EYA4: variants seen among roughly 807,000 people sequenced by gnomAD.
EYA4 encodes the protein protein phosphatase EYA4.
In EYA4, 31 loss-of-function variants were observed where a neutral mutation model predicts 87.9. The observed-to-expected ratio is 0.35, with a 90% CI of 0.27 to 0.48. The LOEUF (loss-of-function observed/expected upper bound fraction) is 0.48. Ranked by LOEUF, EYA4 falls within the 20% of genes least tolerant of loss-of-function variation. EYA4 has a pLI of 0.99. For missense variants in EYA4, 678 were observed against 761.4 expected (o/e 0.89, Z 1.29); for synonymous variants, 263 against 270.6 (o/e 0.97, Z 0.28).
chr6:133,347,320 A>G (rs886695128), intron 2 of EYA4, among the ~76,000 whole-genome samples: 1 of 151,910 alleles, frequency 6.6e-6, no homozygotes, highest in Non-Finnish European at 1.5e-5. Context: ...CATGTATTTT[A>G]CTTTATTAGG....
chr6:133,511,360 A>C (rs762641763), intron 14 of EYA4, among the ~76,000 whole-genome samples: 3 of 152,158 alleles, frequency 2.0e-5, no homozygotes, highest in Non-Finnish European at 4.4e-5. Flanking sequence ...CACTATGTAT[A>C]TAGTCAGAAG....
intron 5 of EYA4, among the ~76,000 whole-genome samples, 189 bp downstream of exon 5, chr6:133,448,368 GA>G (rs1294202570): frequency 6.6e-6 from 1 of 152,078 alleles, no homozygotes; most frequent in Non-Finnish European, 1.5e-5. Flanking sequence ...TGTATTCTTA[GA>G]TTTTTTTAGG....
At chr6:133,428,009 G>A (rs978302449) in intron 3 of EYA4, among the ~76,000 whole-genome samples, 8 of 152,200 alleles carry the variant, frequency 5.3e-5, no homozygotes, top group South Asian at 4.1e-4. Flanking sequence ...CTTGGTGAAC[G>A]GTGTAAAAAT....
chr6:133,427,542 T>G (rs1473696322), intron 3 of EYA4, among the ~76,000 whole-genome samples: 1 of 152,204 alleles, frequency 6.6e-6, no homozygotes, highest in East Asian at 1.9e-4. Flanking sequence ...ATTTTGCAAG[T>G]CTTTCCTAAA....
At chr6:133,266,629 A>T (rs2128250064) in intron 1 of EYA4, among the ~76,000 whole-genome samples, 2 of 152,300 alleles carry the variant, frequency 1.3e-5, no homozygotes, top group East Asian at 3.9e-4. Flanking sequence ...TGGTAGACTA[A>T]TTATCAATGT....
At chr6:133,251,468 G>A (rs1214263215) in intron 1 of EYA4, among the ~76,000 whole-genome samples, 4 of 152,108 alleles carry the variant, frequency 2.6e-5, no homozygotes, top group Non-Finnish European at 5.9e-5. Context: ...GGATGGGGCT[G>A]AAGGAAAAAG....
chr6:133,469,739 T>C (rs1392279230), intron 11 of EYA4, among the ~76,000 whole-genome samples: 1 of 151,830 alleles, frequency 6.6e-6, no homozygotes, highest in Non-Finnish European at 1.5e-5. Flanking sequence ...ATAAAACTTC[T>C]AGAAGAAAAA....
rs1017660616 is a variant in EYA4 at position 133,495,514 on chromosome 6, C to T, written c.1192-10592C>T. ...AGAGAGAGGTAGGCAAGGGCTGGAC[C>T]AGGCAAGGACTCTTCATTATGGTAA... On this transcript the variant is annotated intron_variant, in intron 13 of 19. Coordinates refer to ENST00000355286, the MANE Select transcript of EYA4 (RefSeq NM_004100.5). Among the ~76,000 whole-genome samples the T allele has an allele frequency of 1.1e-4, 16 of 144,058 alleles. 1 individual carries two copies. The highest frequency in any genetic ancestry group is 4.2e-4 in the African/African-American group (16 of 38,096). The allele number at this position is 144,058 out of a possible 152,430, so 94.5% of individuals were successfully genotyped here. A position where few individuals can be genotyped will look rare whatever the true frequency, so the allele number is the denominator to read the frequency against.
intron 3 of EYA4, among the ~76,000 whole-genome samples, chr6:133,397,348 A>G (rs3777817): frequency 0.03 from 4,500 of 152,292 alleles, 178 homozygotes; most frequent in East Asian, 0.087. Flanking sequence ...TGAGGCTTCA[A>G]ATTGTTTCCA....
At chr6:133,394,282 GTGTTTTTTTTTTTTTTTTTTTTT>G (rs1352587375) in intron 3 of EYA4, among the ~76,000 whole-genome samples, 1 of 107,846 alleles carries the variant, frequency 9.3e-6, no homozygotes, top group South Asian at 2.7e-4. Flanking sequence ...ATATAAGCTT[GTGTTTTTTTTTTTTTTTTTTTTT>G]TTTTTTTTTT....
At chr6:133,263,911 G>A (rs995031751) in intron 1 of EYA4, among the ~76,000 whole-genome samples, 16 of 152,162 alleles carry the variant, frequency 1.1e-4, no homozygotes, top group Non-Finnish European at 1.6e-4. Flanking sequence ...CCATCCCAAG[G>A]TCTGCACATG....
chr6:133,356,746 A>AGTGTGT (rs58234857), intron 2 of EYA4, among the ~76,000 whole-genome samples: 29 of 136,864 alleles, frequency 2.1e-4, no homozygotes, highest in East Asian at 1.3e-3. Context: ...AGCATTATTC[A>AGTGTGT]GTGTGTGTGT....
intron 2 of EYA4, among the ~76,000 whole-genome samples, chr6:133,289,656 A>G (rs1778330595): frequency 6.6e-6 from 1 of 152,212 alleles, no homozygotes; most frequent in Non-Finnish European, 1.5e-5. Flanking sequence ...AACAAATAGA[A>G]GAGCCTATGT....
chr6:133,341,968 G>C (rs1782815978), intron 2 of EYA4, among the ~76,000 whole-genome samples: 1 of 152,164 alleles, frequency 6.6e-6, no homozygotes, highest in Non-Finnish European at 1.5e-5. Context: ...TTTTATGACA[G>C]GATTTGGTCT....
chr6:133,428,725 G>A (rs1032250730), intron 3 of EYA4, among the ~76,000 whole-genome samples: 1 of 152,012 alleles, frequency 6.6e-6, no homozygotes, highest in African/African-American at 2.4e-5. Flanking sequence ...TATATTCAGC[G>A]GAAGAGGCAG....
intron 1 of EYA4, chr6:133,247,670 T>G (rs983851206): frequency 9.9e-5 from 15 of 152,198 alleles, no homozygotes; most frequent in African/African-American, 3.4e-4. Context: ...ATTTTTTTAT[T>G]TACTTATATA....
In EYA4 at chr6:133,353,557, T is replaced by C. The variant is rs975146198; in HGVS notation, c.34-28835T>C. ...TTAGCTCTTATGTCCTTTTAGATGT[T>C]TTGACCATTACCTGGTATGAAAACT... On this transcript the variant is annotated intron_variant, in intron 2 of 19. Coordinates refer to ENST00000355286, the MANE Select transcript of EYA4 (RefSeq NM_004100.5). Among the ~76,000 whole-genome samples, 3 of 152,182 alleles carry C rather than the reference T, an allele frequency of 2.0e-5. No individual in the cohort carries two copies. In the South Asian group the frequency reaches 6.2e-4, roughly 32 times the overall value.
intron 1 of EYA4, among the ~76,000 whole-genome samples, chr6:133,245,624 G>T (rs926749741): frequency 6.6e-6 from 1 of 152,160 alleles, no homozygotes; most frequent in African/African-American, 2.4e-5. Flanking sequence ...GCTGTTTCAG[G>T]CATTTGCCCT....
intron 2 of EYA4, among the ~76,000 whole-genome samples, chr6:133,376,475 C>T (rs1432643855): frequency 1.3e-5 from 2 of 151,834 alleles, no homozygotes; most frequent in African/African-American, 4.8e-5. Context: ...TGTCTTCTTA[C>T]ATTATTCTAT....
Sources: gnomAD v4.1 joint callset for allele counts (sites outside exome capture counted in the v4.1 genomes callset) on GRCh38, gnomAD v4.1.1 for gene constraint, MANE v1.5 for transcripts, NCBI Gene and HGNC (gene_info 2026-07-23, HGNC 2026-07-21) for gene names.